Variants in SPATA33 observed in about 807,000 individuals in gnomAD.
SPATA33 encodes spermatogenesis associated 33, also known as spermatogenesis-associated protein 33.
SPATA33 carries 10 observed loss-of-function variants against 8.9 expected under a neutral mutation model. That is an observed-to-expected ratio of 1.12 (90% CI 0.69 to 1.90). The LOEUF is 1.90. Ranked by LOEUF, SPATA33 falls within the 40% of genes most tolerant of loss-of-function variation. The pLI is 0.00. For synonymous variants in SPATA33, 96 were observed against 72.8 expected, an observed-to-expected ratio of 1.32 and a Z score of -1.63; for missense variants, 241 against 178.3, an observed-to-expected ratio of 1.35 and a Z score of -2.00.
At chr16:89,664,616 G>A (rs1381733311) in intron 2 of SPATA33, among the ~76,000 whole-genome samples, 1 of 149,628 alleles carries the variant, frequency 6.7e-6, no homozygotes, top group East Asian at 2.0e-4. Flanking sequence ...GCTCTTTAGG[G>A]CCCGACCTGA....
intron 2 of SPATA33, among the ~76,000 whole-genome samples, chr16:89,667,178 G>A (rs780491168): frequency 5.9e-5 from 9 of 152,160 alleles, no homozygotes; most frequent in Admixed American, 2.0e-4. Context: ...GCTTGGCAAC[G>A]GGCGTCCTAC....
chr16:89,669,456 C>A lies in SPATA33; in HGVS notation c.382C>A (p.Pro128Thr), dbSNP rs746762197. The change falls in exon 3 of 3, where the codon CCC becomes ACC. Residue 128 changes from proline to threonine, a missense_variant. By Grantham distance (38) the Pro-to-Thr change is conservative. Coordinates refer to ENST00000579310, the MANE Select transcript of SPATA33 (RefSeq NM_001271907.2). ...GGGCCCCTACCGGCGGCACAGGAAC[C>A]CCAGTACAGCAGACGCCTATAATTC... is the stretch of plus-strand genomic sequence containing the variant. ...DWGPYRRHRN[P>T]STADAYNSHL... The A allele has an allele frequency of 6.2e-7, 1 of 1,613,534 alleles. No individual in the cohort carries two copies. The highest frequency in any genetic ancestry group is 1.3e-5 in the African/African-American group (1 of 74,886).
At position 89,664,326 on chromosome 16, in the gene SPATA33, GC is replaced by G. The variant is rs1206553158; in HGVS notation, c.212-4959del. Among the ~76,000 whole-genome samples the G allele has an allele frequency of 2.9e-5, 4 of 140,050 alleles. No individual in the cohort carries two copies. The East Asian group carries it at 8.5e-4, about 30-fold the overall frequency. The allele number at this position is 140,050 out of a possible 152,430, so 91.9% of individuals were successfully genotyped here. On this transcript the variant is annotated intron_variant, in intron 2 of 2. Transcript: ENST00000579310. ...GTGGAGGCACACATCTTCCTGGAAG[GC>G]GGTTTGGTAACAAGGTGGCAGGACT...
chr16:89,659,042 C>G (rs1395720974), intron 2 of SPATA33: 1 of 152,640 alleles, frequency 6.6e-6, no homozygotes, highest in Non-Finnish European at 1.5e-5. Flanking sequence ...GTAGTTCACA[C>G]CTGTCCTCCC....
Position 89,669,895 on chromosome 16 carries a change from C to T in SPATA33, c.*398C>T, listed in dbSNP as rs545631816. 68 of 143,486 alleles carry T rather than the reference C, an allele frequency of 4.7e-4. No individual in the cohort carries two copies. The highest frequency in any genetic ancestry group is 2.0e-3 in the African/African-American group (52 of 26,558). The allele number at this position is 143,486 out of a possible 1,614,324, so 8.9% of individuals were successfully genotyped here. ...GTTGCCCCACCCTGTGAGAAGCCACCGCCCCCTTCTCCAGTGCTCTCGGGG... is the reference window on the plus strand; with the variant it reads ...GTTGCCCCACCCTGTGAGAAGCCACTGCCCCCTTCTCCAGTGCTCTCGGGG... On this transcript the variant is annotated 3_prime_UTR_variant, in exon 3 of 3. Transcript: ENST00000579310.
At chr16:89,667,546 C>A (rs1382093593) in intron 2 of SPATA33, among the ~76,000 whole-genome samples, 1 of 152,102 alleles carries the variant, frequency 6.6e-6, no homozygotes, top group Non-Finnish European at 1.5e-5. Flanking sequence ...GCTGGTGGTC[C>A]CAGCTACTTG....
At position 89,658,109 on chromosome 16, in the gene SPATA33, C is replaced by A. The variant is rs557247042; in HGVS notation, c.38-139C>A. On this transcript the variant is annotated intron_variant, in intron 1 of 2. Transcript: ENST00000579310. ...CCGCCACGGACGGCGCGTTTCCCGC[C>A]TGAGGCGGTTACGGAAACGCGGAGA... 16 of 1,501,526 alleles carry A rather than the reference C, an allele frequency of 1.1e-5. No individual in the cohort carries two copies. The East Asian group carries it at 3.7e-4, about 35-fold the overall frequency. 93.0% of individuals were successfully genotyped at this position (1,501,526 alleles called of 1,614,324 possible). A position where few individuals can be genotyped will look rare whatever the true frequency, so the allele number is the denominator to read the frequency against.
upstream of SPATA33, chr16:89,657,789 G>C (rs2059899279): frequency 6.9e-7 from 1 of 1,458,790 alleles, no homozygotes; most frequent in African/African-American, 1.5e-5. Flanking sequence ...CGGCTGCGCG[G>C]CGCGCGGTCG....
intron 2 of SPATA33, chr16:89,659,637 G>T (rs1396349033): frequency 2.6e-5 from 4 of 151,970 alleles, no homozygotes; most frequent in African/African-American, 9.7e-5. Context: ...TGGTGAGCGA[G>T]ATCGCACCAC....
intron 2 of SPATA33, chr16:89,660,346 T>C (rs2059949983): frequency 3.3e-6 from 2 of 598,796 alleles, no homozygotes; most frequent in Admixed American, 8.7e-5. Flanking sequence ...GAGGGAGCTG[T>C]GAAGCATGGG....
intron 2 of SPATA33, among the ~76,000 whole-genome samples, chr16:89,668,723 G>A (rs1029855391): frequency 2.0e-5 from 3 of 152,366 alleles, no homozygotes; most frequent in East Asian, 3.9e-4. Context: ...AGGGGCGGCC[G>A]GCCAGCCAGG....
intron 1 of SPATA33, 133 bp from the exon 2 acceptor site, chr16:89,658,115 C>G: frequency 1.3e-6 from 2 of 1,508,192 alleles, no homozygotes; most frequent in Non-Finnish European, 1.8e-6. Context: ...CCGCCTGAGG[C>G]GGTTACGGAA....
chr16:89,660,708 T>C (rs1431180874), intron 2 of SPATA33: 1 of 743,036 alleles, frequency 1.3e-6, no homozygotes, highest in East Asian at 3.4e-5. Flanking sequence ...GAGAAGCAGA[T>C]GAGTGGTTGC....
At position 89,657,847 on chromosome 16, in the gene SPATA33, C is replaced by T. The variant is rs1161639670; in HGVS notation, c.-65C>T. On this transcript the variant is annotated 5_prime_UTR_variant, in exon 1 of 3. Coordinates refer to ENST00000579310, the MANE Select transcript of SPATA33 (RefSeq NM_001271907.2). ...CGCGAGGACCTTTTGTGAGTCGCTC[C>T]CGGCTCCGCGGCCGCGGAGGTGTGG... The T allele has an allele frequency of 4.0e-6, 6 of 1,510,390 alleles. No homozygotes were observed. The highest frequency in any genetic ancestry group is 1.5e-5 in the African/African-American group (1 of 68,964). 93.6% of individuals were successfully genotyped at this position (1,510,390 alleles called of 1,614,324 possible). A position where few individuals can be genotyped will look rare whatever the true frequency, so the allele number is the denominator to read the frequency against.
rs1002060523 is a variant in SPATA33, at chr16:89,658,332, A to G, written c.122A>G (p.Gln41Arg). The change falls in exon 2 of 3, where the codon CAG becomes CGG. Residue 41 changes from glutamine (Q) to arginine (R), a missense_variant. By Grantham distance (43) the Gln-to-Arg change is conservative. Transcript: ENST00000579310. The stretch of plus-strand genomic sequence containing the variant: ...GAGAAGCATTCCCAGGAAGCCAGGC[A>G]GGCAGACAGGGAGTCGGAGAAGCCT... Reference protein sequence around the residue: ...LMEKHSQEARQADRESEKPVD... With the variant: ...LMEKHSQEARRADRESEKPVD... The G allele has an allele frequency of 6.2e-6, 10 of 1,613,968 alleles. No individual in the cohort carries two copies. Among genetic ancestry groups the G allele is most frequent in the Non-Finnish European group, 8.5e-6 (10 of 1,180,042 alleles).
At chr16:89,665,223 G>A (rs1239095193) in intron 2 of SPATA33, among the ~76,000 whole-genome samples, 2 of 152,164 alleles carry the variant, frequency 1.3e-5, no homozygotes, top group Non-Finnish European at 2.9e-5. Context: ...TCGAACTCCA[G>A]AGGCCAAGCA....
At chr16:89,660,688 C>G (rs958261677) in intron 2 of SPATA33, 2 of 794,426 alleles carry the variant, frequency 2.5e-6, no homozygotes, top group Non-Finnish European at 3.4e-6. Context: ...AGAAAAGGCA[C>G]ATTTACAGAG....
intron 2 of SPATA33, among the ~76,000 whole-genome samples, chr16:89,663,670 G>A (rs998977048): frequency 1.3e-5 from 2 of 152,140 alleles, no homozygotes; most frequent in East Asian, 3.8e-4. Flanking sequence ...GGGCTTTGGG[G>A]TTGGGGTAGG....
At chr16:89,665,863 T>C (rs952079609) in intron 2 of SPATA33, among the ~76,000 whole-genome samples, 5 of 151,966 alleles carry the variant, frequency 3.3e-5, no homozygotes, top group African/African-American at 1.2e-4. Flanking sequence ...GTGGATCACT[T>C]GAGGTCAGGA....
Sources: allele counts gnomAD v4.1 joint callset (sites outside exome capture counted in the v4.1 genomes callset), GRCh38; gene constraint gnomAD v4.1.1; transcripts MANE v1.5; gene names NCBI Gene and HGNC (gene_info 2026-07-23, HGNC 2026-07-21).